The following NKX3-2 variants were observed in gnomAD, a reference collection of about 807,000 sequenced individuals.
The protein encoded by NKX3-2 is NK3 homeobox 2, also known as homeobox protein Nkx-3.2.
NKX3-2 carries 13 observed loss-of-function variants against 19.4 expected under a neutral mutation model. The ratio of observed to expected loss-of-function variants is 0.67; its 90% CI spans 0.44 to 1.07. The LOEUF (loss-of-function observed/expected upper bound fraction) is 1.07, where lower values mean the gene tolerates loss of function less well. Ranked by LOEUF, NKX3-2 falls within the 50% of genes least tolerant of loss-of-function variation. NKX3-2 has a pLI of 0.00. For synonymous variants in NKX3-2, 269 were observed against 230.5 expected, an observed-to-expected ratio of 1.17 and a Z score of -1.51; for missense variants, 562 against 488.2, an observed-to-expected ratio of 1.15 and a Z score of -1.42.
chr4:13,546,379 T>C (rs1718133912), upstream of NKX3-2: 1 of 158,554 alleles, frequency 6.3e-6, no homozygotes, highest in Admixed American at 6.0e-5. Flanking sequence ...ACATCAGTTT[T>C]GAAGGAACGC....
Position 13,542,410 on chromosome 4 carries a change from C to G in NKX3-2, c.585G>C (p.Glu195Asp), listed in dbSNP as rs1198494101. The G allele has an allele frequency of 1.3e-6, 2 of 1,526,574 alleles. No homozygotes were observed. The highest frequency in any genetic ancestry group is 4.9e-5 in the East Asian group (2 of 40,630). 94.6% of individuals were successfully genotyped at this position (1,526,574 alleles called of 1,614,324 possible). The change falls in exon 2 of 2, where the codon GAG becomes GAC. Residue 195 changes from glutamate (E) to aspartate (D), a missense_variant. Physicochemically the swap from Glu to Asp is conservative, Grantham distance 45. Transcript: ENST00000382438. The surrounding 1 kb of genome is among the most constrained non-coding windows in gnomAD (Gnocchi z 6.4). ...GCTTGGGCGCCGCCGGCTCCTCCTC[C>G]TCCTCCGCGACGCCTGCCGGCCCGC... ...GGSGPAGVAE[E>D]EEEPAAPKPR...
upstream of NKX3-2, among the ~76,000 whole-genome samples, chr4:13,545,486 T>G (rs1246067959): frequency 2.0e-5 from 3 of 152,250 alleles, no homozygotes; most frequent in African/African-American, 7.2e-5. Context: ...CGCCGCTTCT[T>G]CATTGCTAAT....
rs1718047070 is a variant in NKX3-2 at position 13,543,773 on chromosome 4, C to T, written c.466+176G>A. Among the ~76,000 whole-genome samples the T allele has an allele frequency of 6.6e-6, 1 of 152,232 alleles. No homozygotes were observed. The highest frequency in any genetic ancestry group is 2.1e-4 in the South Asian group (1 of 4,834). On this transcript the variant is annotated intron_variant, in intron 1 of 1. Transcript: ENST00000382438. The surrounding 1 kb of genome is among the most constrained non-coding windows in gnomAD (Gnocchi z 7.1). The stretch of plus-strand genomic sequence containing the variant: ...TCTGAGGAGCTACTCCGGTCTCTCG[C>T]GGGCTCAGTTCCCGAAGTGATAGAG...
chr4:13,542,270 G>A lies in NKX3-2; in HGVS notation c.725C>T (p.Ser242Leu), dbSNP rs1185873379. 6.2e-7 allele frequency: 1 copy of A among 1,610,500 alleles called. No individual in the cohort carries two copies. Among genetic ancestry groups the A allele is most frequent in the Non-Finnish European group, 8.5e-7 (1 of 1,179,166 alleles). The change falls in exon 2 of 2, where the codon TCG becomes TTG. Residue 242 changes from serine (S) to leucine (L), a missense_variant. Ser to Leu is a moderately radical substitution (Grantham distance 145). Transcript: ENST00000382438. The surrounding 1 kb of genome is among the most constrained non-coding windows in gnomAD (Gnocchi z 6.4). ...SGPERADLAA[S>L]LKLTETQVKI... Reference sequence around the variant, plus strand: ...CACCTGCGTCTCGGTGAGCTTCAGCGACGCGGCCAGGTCTGCGCGCTCGGG... The same window carrying A: ...CACCTGCGTCTCGGTGAGCTTCAGCAACGCGGCCAGGTCTGCGCGCTCGGG...
In NKX3-2 at chr4:13,541,902, G is replaced by A. The variant is rs1021630280; in HGVS notation, c.*91C>T. The stretch of plus-strand genomic sequence containing the variant: ...TTTCACCTCCAGGTGCCTCCTTGGC[G>A]GGGCGCCCCGTGCAGGCTACAGCCT... On this transcript the variant is annotated 3_prime_UTR_variant, in exon 2 of 2. Coordinates refer to ENST00000382438, the MANE Select transcript of NKX3-2 (RefSeq NM_001189.4). The A allele has an allele frequency of 3.3e-6, 5 of 1,513,864 alleles. No homozygotes were observed. In the African/African-American group the frequency reaches 5.5e-5, roughly 17 times the overall value. The allele number at this position is 1,513,864 out of a possible 1,614,324, so 93.8% of individuals were successfully genotyped here.
chr4:13,544,058 C>A lies in NKX3-2; in HGVS notation c.357G>T (p.Ala119=). ...GCTGGCCGAGGCTCAAGGATCCCCC[C>A]GCAAGGCCGGCCCCGCTGGCCCCCC... ...DARGASGAGL[A]GGSLSLGQPV... Residue 119 remains alanine, a synonymous_variant, in exon 1 of 2, where the codon GCG becomes GCT. Coordinates refer to ENST00000382438, the MANE Select transcript of NKX3-2 (RefSeq NM_001189.4). 1.9e-6 allele frequency: 3 copies of A among 1,572,682 alleles called. No individual in the cohort carries two copies. Among genetic ancestry groups the A allele is most frequent in the East Asian group, 4.7e-5 (2 of 42,386 alleles).
rs377066284 is a variant in NKX3-2 at position 13,542,396 on chromosome 4, G to A, written c.599C>T (p.Ala200Val). 5.0e-4 allele frequency: 751 copies of A among 1,507,022 alleles called. 1 individual carries two copies. Among genetic ancestry groups the A allele is most frequent in the Non-Finnish European group, 6.5e-4 (734 of 1,135,318 alleles). The allele number at this position is 1,507,022 out of a possible 1,614,324, so 93.4% of individuals were successfully genotyped here. Residue 200 changes from alanine (A) to valine (V), a missense_variant, in exon 2 of 2, where the codon GCG becomes GTG. By Grantham distance (64) the Ala-to-Val change is moderately conservative. Coordinates refer to ENST00000382438, the MANE Select transcript of NKX3-2 (RefSeq NM_001189.4). This position sits in a 1 kb window ranked among gnomAD's most constrained non-coding sequence, Gnocchi z 6.4. The part of the protein sequence containing the change: ...AGVAEEEEEP[A>V]APKPRKKRSR... ...GCGCTTCTTGCGTGGCTTGGGCGCC[G>A]CCGGCTCCTCCTCCTCCTCCGCGAC...
At chr4:13,546,508 C>G (rs968457603), upstream of NKX3-2, 20 of 202,564 alleles carry the variant, frequency 9.9e-5, no homozygotes, top group African/African-American at 4.4e-4. Context: ...TTTAAATTAC[C>G]GTTCTCCTCA....
In NKX3-2 at chr4:13,543,520, G is replaced by C. The variant is rs1368481907; in HGVS notation, c.466+429C>G. ...CACCTACTGTGGGGCCCGGCCCTGG[G>C]ACCTTGAACTGGCAGGTCTCTGGTC... On this transcript the variant is annotated intron_variant, in intron 1 of 1. Coordinates refer to ENST00000382438, the MANE Select transcript of NKX3-2 (RefSeq NM_001189.4). This position sits in a 1 kb window ranked among gnomAD's most constrained non-coding sequence, Gnocchi z 7.1. Among the ~76,000 whole-genome samples the C allele has an allele frequency of 6.6e-6, 1 of 152,142 alleles. No individual in the cohort carries two copies. The highest frequency in any genetic ancestry group is 1.5e-5 in the Non-Finnish European group (1 of 68,030).
upstream of NKX3-2, chr4:13,546,974 C>T: frequency 4.4e-6 from 2 of 456,260 alleles, no homozygotes; most frequent in Non-Finnish European, 8.8e-6. Context: ...AGGCGCACAG[C>T]AAGGGAGTCT....
rs1181975228 is a variant in NKX3-2 at position 13,544,380 on chromosome 4, A to G, written c.35T>C (p.Phe12Ser). Residue 12 changes from phenylalanine (F) to serine (S), a missense_variant, in exon 1 of 2, where the codon TTC (phenylalanine) becomes TCC (serine). By Grantham distance (155) the Phe-to-Ser change is radical (BLOSUM62 -2). Transcript: ENST00000382438. ...AVRGANTLTS[F>S]SIQAILNKKE... ...CTTGTTGAGGATCGCCTGGATGGAG[A>G]AGGACGTCAAGGTGTTGGCGCCGCG... 3 of 1,549,444 alleles carry G rather than the reference A, an allele frequency of 1.9e-6. No individual in the cohort carries two copies. The highest frequency in any genetic ancestry group is 2.6e-6 in the Non-Finnish European group (3 of 1,157,578).
Position 13,542,167 on chromosome 4 carries a change from G to C in NKX3-2, c.828C>G (p.Ala276=), listed in dbSNP as rs1051934282. The C allele has an allele frequency of 1.2e-6, 2 of 1,608,480 alleles. No individual in the cohort carries two copies. The highest frequency in any genetic ancestry group is 2.7e-5 in the African/African-American group (2 of 74,792). ...MAADLLASAP[A]AKKVAVKVLV... is the part of the protein sequence containing the mutation. ...GCACCTTTACGGCCACCTTCTTGGCGGCGGGCGCCGAGGCCAGCAGGTCGG... is the reference window on the plus strand; with the variant it reads ...GCACCTTTACGGCCACCTTCTTGGCCGCGGGCGCCGAGGCCAGCAGGTCGG... Residue 276 remains alanine, a synonymous_variant, in exon 2 of 2, where the codon GCC becomes GCG. Coordinates refer to ENST00000382438, the MANE Select transcript of NKX3-2 (RefSeq NM_001189.4). This position sits in a 1 kb window ranked among gnomAD's most constrained non-coding sequence, Gnocchi z 6.4.
upstream of NKX3-2, chr4:13,547,291 C>T (rs1364165094): frequency 6.6e-6 from 3 of 453,038 alleles, no homozygotes; most frequent in Non-Finnish European, 1.3e-5. Flanking sequence ...ACCGCGCGGG[C>T]GTGCCTGGGT....
chr4:13,545,302 G>A (rs541711259), upstream of NKX3-2, among the ~76,000 whole-genome samples: 11 of 152,322 alleles, frequency 7.2e-5, 1 homozygote, highest in South Asian at 4.1e-4. Flanking sequence ...TACCTCTGCA[G>A]ATGTATCCAC....
At chr4:13,545,810 T>G (rs1307825855), upstream of NKX3-2, among the ~76,000 whole-genome samples, 2 of 152,204 alleles carry the variant, frequency 1.3e-5, no homozygotes, top group Non-Finnish European at 2.9e-5. Flanking sequence ...ATAGATATGT[T>G]TGTTTGCTTA....
Position 13,542,893 on chromosome 4 carries a change from T to G in NKX3-2, c.467-365A>C, listed in dbSNP as rs147804718. On this transcript the variant is annotated intron_variant, in intron 1 of 1. Transcript: ENST00000382438. The surrounding 1 kb of genome is among the most constrained non-coding windows in gnomAD (Gnocchi z 6.4). The stretch of plus-strand genomic sequence containing the variant: ...AGCGTTGAGCATTGGGATTCTAGAC[T>G]GCATTTCCGTCTCTCTGCTTGGGTT... Among the ~76,000 whole-genome samples the G allele has an allele frequency of 6.6e-6, 1 of 151,930 alleles. No homozygotes were observed. Among genetic ancestry groups the G allele is most frequent in the Non-Finnish European group, 1.5e-5 (1 of 68,002 alleles).
upstream of NKX3-2, chr4:13,547,232 G>C (rs920817452): frequency 2.2e-6 from 1 of 456,336 alleles, no homozygotes; most frequent in Admixed American, 2.3e-5. Flanking sequence ...GGTGTGTGGC[G>C]AAGGCGCAGC....
chr4:13,542,878 A>G lies in NKX3-2; in HGVS notation c.467-350T>C, dbSNP rs1232449864. The stretch of plus-strand genomic sequence containing the variant: ...GCCCTCCCGGCTCTCAGCGTTGAGC[A>G]TTGGGATTCTAGACTGCATTTCCGT... On this transcript the variant is annotated intron_variant, in intron 1 of 1. Transcript: ENST00000382438. This position sits in a 1 kb window ranked among gnomAD's most constrained non-coding sequence, Gnocchi z 6.4. Among the ~76,000 whole-genome samples the G allele has an allele frequency of 6.6e-6, 1 of 151,874 alleles. No homozygotes were observed. The highest frequency in any genetic ancestry group is 1.5e-5 in the Non-Finnish European group (1 of 67,990).
rs375800092 is a variant in NKX3-2, at chr4:13,543,084, G to A, written c.467-556C>T. On this transcript the variant is annotated intron_variant, in intron 1 of 1. Coordinates refer to ENST00000382438, the MANE Select transcript of NKX3-2 (RefSeq NM_001189.4). This position sits in a 1 kb window ranked among gnomAD's most constrained non-coding sequence, Gnocchi z 7.1. ...ATTGCTGTGAGAGACATGGAAACAG[G>A]CTGAGCCGAGGCCTTAGATGAGAGG... Among the ~76,000 whole-genome samples the A allele has an allele frequency of 2.9e-4, 44 of 152,192 alleles. No homozygotes were observed. The highest frequency in any genetic ancestry group is 1.0e-3 in the African/African-American group (43 of 41,536).
Sources: gnomAD v4.1 joint callset for allele counts (sites outside exome capture counted in the v4.1 genomes callset) on GRCh38, gnomAD v4.1.1 for gene constraint, Gnocchi (gnomAD v3.1) non-coding constraint, MANE v1.5 for transcripts, NCBI Gene and HGNC (gene_info 2026-07-23, HGNC 2026-07-21) for gene names.